Variants in SYT16 observed in about 807,000 individuals in gnomAD.
SYT16 encodes synaptotagmin 16, also known as synaptotagmin-16.
A neutral mutation model predicts 61.4 loss-of-function variants in SYT16; 42 were observed. The ratio of observed to expected loss-of-function variants is 0.68; its 90% CI spans 0.53 to 0.89. The LOEUF is 0.89. SYT16 is among the 40% of genes least tolerant of loss of function. SYT16 has a pLI of 0.00. For missense variants in SYT16, 804 were observed against 807.3 expected, an observed-to-expected ratio of 1.00 and a Z score of 0.05; for synonymous variants, 314 against 302.3, an observed-to-expected ratio of 1.04 and a Z score of -0.40.
intron 3 of SYT16, among the ~76,000 whole-genome samples, chr14:62,025,694 C>G (rs919013049): frequency 1.3e-5 from 2 of 151,146 alleles, no homozygotes; most frequent in African/African-American, 4.9e-5. Flanking sequence ...GTTATCCAGC[C>G]CCAAAATGTC....
At chr14:61,871,011 G>C (rs74876448) in intron 1 of SYT16, among the ~76,000 whole-genome samples, 243 of 152,248 alleles carry the variant, frequency 1.6e-3, no homozygotes, top group African/African-American at 5.7e-3. Flanking sequence ...TATATTGTTG[G>C]ACGGTGGTTC....
intron 3 of SYT16, among the ~76,000 whole-genome samples, chr14:62,051,401 C>A (rs575735192): frequency 3.2e-4 from 49 of 152,356 alleles, no homozygotes; most frequent in Middle Eastern, 3.4e-3. Context: ...AGGGAATTCC[C>A]TGACCCCTTG....
intron 1 of SYT16, among the ~76,000 whole-genome samples, chr14:61,935,143 A>C (rs1331774257): frequency 6.6e-6 from 1 of 152,070 alleles, no homozygotes; most frequent in Non-Finnish European, 1.5e-5. Flanking sequence ...TGGGGGCGGC[A>C]CTACTTTCCA....
At chr14:61,986,962 T>C (rs570289746) in intron 2 of SYT16, among the ~76,000 whole-genome samples, 2 of 152,310 alleles carry the variant, frequency 1.3e-5, no homozygotes, top group East Asian at 3.9e-4. Flanking sequence ...CTCTGTGATC[T>C]CATAGAAAGT....
intron 1 of SYT16, among the ~76,000 whole-genome samples, chr14:61,943,911 G>C (rs1239365321): frequency 1.3e-5 from 2 of 152,074 alleles, no homozygotes; most frequent in South Asian, 2.1e-4. Context: ...AGAAATAAAG[G>C]GTATTCAAAT....
At chr14:61,946,416 G>A (rs1451908057) in intron 1 of SYT16, among the ~76,000 whole-genome samples, 2 of 152,152 alleles carry the variant, frequency 1.3e-5, no homozygotes, top group South Asian at 4.1e-4. Flanking sequence ...CAAAAGGTGG[G>A]ACGGTAGGAG....
chr14:61,977,383 T>G (rs547898523), intron 2 of SYT16, among the ~76,000 whole-genome samples: 12 of 152,336 alleles, frequency 7.9e-5, no homozygotes, highest in African/African-American at 2.9e-4. Flanking sequence ...TGAAAGAGGT[T>G]TAACTGACTC....
At chr14:61,988,918 A>G (rs939893345) in intron 2 of SYT16, among the ~76,000 whole-genome samples, 13 of 152,092 alleles carry the variant, frequency 8.5e-5, no homozygotes, top group Admixed American at 3.9e-4. Flanking sequence ...GGTTAAAGTA[A>G]GAATTTGGAA....
At chr14:61,902,588 T>C (rs2048561872) in intron 1 of SYT16, among the ~76,000 whole-genome samples, 2 of 152,212 alleles carry the variant, frequency 1.3e-5, no homozygotes, top group Non-Finnish European at 2.9e-5. Flanking sequence ...GCTGGAAGTA[T>C]AAGATCAAGG....
chr14:61,905,836 C>T (rs2048688428), intron 1 of SYT16, among the ~76,000 whole-genome samples: 1 of 151,816 alleles, frequency 6.6e-6, no homozygotes, highest in African/African-American at 2.4e-5. Context: ...TGGCTCACTG[C>T]AACCTCTGCA....
At chr14:62,085,241 AG>A (rs2056846520) in intron 7 of SYT16, among the ~76,000 whole-genome samples, 1 of 152,228 alleles carries the variant, frequency 6.6e-6, no homozygotes, top group South Asian at 2.1e-4. Context: ...GCAGCAAAAA[AG>A]CTTGAAAGGG....
chr14:62,080,393 C>G (rs2056665213), intron 5 of SYT16, among the ~76,000 whole-genome samples: 1 of 152,188 alleles, frequency 6.6e-6, no homozygotes, highest in African/African-American at 2.4e-5. Context: ...CATCAAAATT[C>G]TTGTCTGTAG....
chr14:61,852,999 A>T (rs1594760678), intron 1 of SYT16, among the ~76,000 whole-genome samples: 1 of 151,962 alleles, frequency 6.6e-6, no homozygotes. Flanking sequence ...GCTTACTGCA[A>T]CCTCCACCTC....
At chr14:61,860,012 C>T (rs1445325067) in intron 1 of SYT16, among the ~76,000 whole-genome samples, 3 of 152,184 alleles carry the variant, frequency 2.0e-5, no homozygotes, top group African/African-American at 7.2e-5. Context: ...TACCCACATA[C>T]AGTTGCCACA....
intron 3 of SYT16, among the ~76,000 whole-genome samples, chr14:62,059,666 G>A (rs1488923471): frequency 8.3e-6 from 1 of 119,932 alleles, no homozygotes; most frequent in Non-Finnish European, 1.6e-5. Flanking sequence ...ATATGTAATT[G>A]ATACATATAT....
intron 3 of SYT16, among the ~76,000 whole-genome samples, chr14:62,064,334 GAAAAAAAAAAAAA>G (rs781727444): frequency 4.7e-5 from 2 of 42,988 alleles, no homozygotes; most frequent in South Asian, 1.1e-3. Flanking sequence ...CTTTAAATTT[GAAAAAAAAAAAAA>G]AAAAAAAAAA....
chr14:61,981,809 C>T (rs2052091095), intron 2 of SYT16, among the ~76,000 whole-genome samples: 1 of 152,132 alleles, frequency 6.6e-6, no homozygotes, highest in Non-Finnish European at 1.5e-5. Context: ...ATGAGCAGCC[C>T]TGCTTTCTGA....
chr14:61,840,545 A>G (rs1450219497), intron 1 of SYT16, among the ~76,000 whole-genome samples: 2 of 152,236 alleles, frequency 1.3e-5, no homozygotes, highest in African/African-American at 4.8e-5. Context: ...CAGGCAAAGA[A>G]AGACAATTTT....
At chr14:62,059,771 T>C (rs1566808283) in intron 3 of SYT16, among the ~76,000 whole-genome samples, 2 of 102,196 alleles carry the variant, frequency 2.0e-5, no homozygotes, top group Non-Finnish European at 3.6e-5. Flanking sequence ...TGTATATGTA[T>C]ACACATACAC....
Sources: allele counts gnomAD v4.1 joint callset (sites outside exome capture counted in the v4.1 genomes callset), GRCh38; gene constraint gnomAD v4.1.1; transcripts MANE v1.5; gene names NCBI Gene and HGNC (gene_info 2026-07-23, HGNC 2026-07-21).